Variants in GRID2 observed in about 807,000 individuals in gnomAD.
GRID2 encodes the protein glutamate ionotropic receptor delta type subunit 2.
GRID2 carries 33 observed loss-of-function variants against 114.8 expected under a neutral mutation model. That is an observed-to-expected ratio of 0.29 (90% CI 0.22 to 0.38). The LOEUF (loss-of-function observed/expected upper bound fraction) is 0.38. Ranked by LOEUF, GRID2 falls within the 10% of genes least tolerant of loss-of-function variation. The probability of loss-of-function intolerance (pLI) is 1.00; values close to 1 mark genes in which losing one functional copy is unlikely to be tolerated. For missense variants in GRID2, 1,184 were observed against 1,257.7 expected, an observed-to-expected ratio of 0.94 and a Z score of 0.89; for synonymous variants, 505 against 449.9, an observed-to-expected ratio of 1.12 and a Z score of -1.55.
chr4:92,392,589 T>C (rs1298604226), intron 1 of GRID2, among the ~76,000 whole-genome samples: 1 of 152,156 alleles, frequency 6.6e-6, no homozygotes, highest in Non-Finnish European at 1.5e-5. Context: ...ATTGGACACA[T>C]GATAACCCTT....
intron 1 of GRID2, among the ~76,000 whole-genome samples, chr4:92,360,191 C>T (rs957754059): frequency 2.0e-5 from 3 of 151,958 alleles, no homozygotes; most frequent in African/African-American, 7.2e-5. Context: ...TATACCTATG[C>T]AGTTCCACAA....
chr4:93,142,255 A>G (rs949781149), intron 4 of GRID2, among the ~76,000 whole-genome samples: 1 of 152,036 alleles, frequency 6.6e-6, no homozygotes, highest in Non-Finnish European at 1.5e-5. Flanking sequence ...AATTTTCCCT[A>G]TTGTTTCATT....
intron 14 of GRID2, among the ~76,000 whole-genome samples, chr4:93,738,667 G>C (rs1317793712): frequency 6.6e-6 from 1 of 152,136 alleles, no homozygotes; most frequent in Non-Finnish European, 1.5e-5. Flanking sequence ...AAAACTTGCA[G>C]ATGTGCACAC....
chr4:92,603,909 AC>A (rs1473613540), intron 2 of GRID2, among the ~76,000 whole-genome samples: 1 of 152,052 alleles, frequency 6.6e-6, no homozygotes, highest in Non-Finnish European at 1.5e-5. Context: ...AAATAAAAAA[AC>A]ATTTATATGG....
In GRID2 at chr4:93,689,300, T is replaced by G. The variant is rs1331694883; in HGVS notation, c.2360+62865T>G. On this transcript the variant is annotated intron_variant, in intron 14 of 15. Transcript: ENST00000282020. ...ACTAATACAACATCTCTCCCACTAT[T>G]GTAGAAACAAAGCATTTCACTTCTT... is the stretch of plus-strand genomic sequence containing the variant. 2.0e-5 allele frequency among the ~76,000 whole-genome samples: 3 copies of G among 152,066 alleles called. No individual in the cohort carries two copies. The East Asian group carries it at 5.8e-4, about 29-fold the overall frequency.
chr4:92,729,538 A>G (rs1736229563), intron 2 of GRID2, among the ~76,000 whole-genome samples: 1 of 151,964 alleles, frequency 6.6e-6, no homozygotes, highest in African/African-American at 2.4e-5. Context: ...TTGTTTTGGC[A>G]TTTCCTGAAG....
At chr4:92,899,469 T>G (rs1747407039) in intron 2 of GRID2, among the ~76,000 whole-genome samples, 1 of 152,206 alleles carries the variant, frequency 6.6e-6, no homozygotes, top group African/African-American at 2.4e-5. Context: ...CTTGAGCTAC[T>G]TCCATTATAT....
At chr4:93,489,965 A>G (rs1489001597) in intron 11 of GRID2, among the ~76,000 whole-genome samples, 2 of 151,944 alleles carry the variant, frequency 1.3e-5, no homozygotes, top group African/African-American at 2.4e-5. Context: ...TTATCAAAGT[A>G]TACTGTAGAT....
At chr4:93,769,833 G>A (rs1267207964) in intron 15 of GRID2, among the ~76,000 whole-genome samples, 5 of 151,956 alleles carry the variant, frequency 3.3e-5, no homozygotes, top group Admixed American at 2.6e-4. Flanking sequence ...TAAATTCCTC[G>A]TATCTCTAAG....
intron 2 of GRID2, among the ~76,000 whole-genome samples, chr4:92,725,983 G>C (rs1736051116): frequency 6.6e-6 from 1 of 152,036 alleles, no homozygotes; most frequent in Non-Finnish European, 1.5e-5. Flanking sequence ...AAAAGGCATA[G>C]GTGAAAATAT....
chr4:92,946,877 A>G (rs1286594631), intron 2 of GRID2, among the ~76,000 whole-genome samples: 1 of 152,046 alleles, frequency 6.6e-6, no homozygotes, highest in Non-Finnish European at 1.5e-5. Context: ...GTTCCTAGGT[A>G]ATTCTGATAC....
At position 92,906,776 on chromosome 4, in the gene GRID2, A is replaced by G. The variant is rs1168745260; in HGVS notation, c.245-178219A>G. On this transcript the variant is annotated intron_variant, in intron 2 of 15. Coordinates refer to ENST00000282020, the MANE Select transcript of GRID2 (RefSeq NM_001510.4). ...TGGGACTACAGGCACCTCCATTAAT[A>G]ACTACTAGGACTTTAAGCCTTTTCC... 4.6e-5 allele frequency among the ~76,000 whole-genome samples: 7 copies of G among 152,114 alleles called. No individual in the cohort carries two copies. The South Asian group carries it at 8.3e-4, about 18-fold the overall frequency.
intron 12 of GRID2, among the ~76,000 whole-genome samples, chr4:93,495,051 G>A (rs1208503978): frequency 2.0e-5 from 3 of 151,724 alleles, no homozygotes; most frequent in Non-Finnish European, 4.4e-5. Context: ...CTGGTCTTTG[G>A]TGATGAAACT....
chr4:93,676,033 T>C (rs1244273553), intron 14 of GRID2, among the ~76,000 whole-genome samples: 1 of 152,216 alleles, frequency 6.6e-6, no homozygotes, highest in Non-Finnish European at 1.5e-5. Context: ...GTAACCAGAA[T>C]ATGAATACAC....
intron 2 of GRID2, among the ~76,000 whole-genome samples, chr4:92,858,855 C>T (rs1315269138): frequency 1.3e-5 from 2 of 152,232 alleles, no homozygotes; most frequent in East Asian, 3.9e-4. Flanking sequence ...TGTGTCTGGC[C>T]AGGAGCTGGT....
chr4:93,470,473 C>T (rs927896922), intron 11 of GRID2, among the ~76,000 whole-genome samples: 2 of 152,158 alleles, frequency 1.3e-5, no homozygotes, highest in African/African-American at 2.4e-5. Flanking sequence ...TCTGTGACTA[C>T]CTGAGACTAT....
chr4:92,936,682 A>G (rs1434884013), intron 2 of GRID2, among the ~76,000 whole-genome samples: 3 of 146,260 alleles, frequency 2.1e-5, no homozygotes, highest in African/African-American at 7.3e-5. Context: ...TTAATTTCAT[A>G]GTATTGCTGT....
chr4:93,375,736 G>A (rs1246372499), intron 8 of GRID2, among the ~76,000 whole-genome samples: 1 of 152,074 alleles, frequency 6.6e-6, no homozygotes, highest in Non-Finnish European at 1.5e-5. Context: ...CTCTACCTCA[G>A]GTTAATCAAA....
intron 2 of GRID2, among the ~76,000 whole-genome samples, chr4:92,964,819 T>C (rs1432015667): frequency 1.3e-5 from 2 of 152,046 alleles, no homozygotes; most frequent in Non-Finnish European, 2.9e-5. Context: ...TAAAGAAAGA[T>C]AGTGGCTGGT....
Sources: gnomAD v4.1 joint callset for allele counts (sites outside exome capture counted in the v4.1 genomes callset) on GRCh38, gnomAD v4.1.1 for gene constraint, MANE v1.5 for transcripts, NCBI Gene and HGNC (gene_info 2026-07-23, HGNC 2026-07-21) for gene names.